Variants in PTPRT observed in about 807,000 individuals in gnomAD.
PTPRT encodes protein tyrosine phosphatase receptor type T.
Under a neutral mutation model 176.8 loss-of-function variants are expected in PTPRT, and 56 were observed. That is an observed-to-expected ratio of 0.32 (90% CI 0.26 to 0.40). The LOEUF is 0.40. Ranked by LOEUF, PTPRT falls within the 10% of genes least tolerant of loss-of-function variation. The pLI, the probability that PTPRT is intolerant of heterozygous loss-of-function variation, is 1.00. For synonymous variants in PTPRT, 783 were observed against 739.0 expected (o/e 1.06, Z -0.96); for missense variants, 1,540 against 1,908.2 (o/e 0.81, Z 3.60).
At chr20:42,866,838 C>T (rs2078754794) in intron 2 of PTPRT, among the ~76,000 whole-genome samples, 1 of 152,182 alleles carries the variant, frequency 6.6e-6, no homozygotes, top group Non-Finnish European at 1.5e-5. Context: ...AAATAAATTA[C>T]TTAATCTTTG....
At chr20:42,384,683 T>C (rs377620369) in intron 9 of PTPRT, among the ~76,000 whole-genome samples, 1 of 152,180 alleles carries the variant, frequency 6.6e-6, no homozygotes, top group South Asian at 2.1e-4. Context: ...GAGAACTCCA[T>C]ACTATTTTTT....
the PTPRT span, among the ~76,000 whole-genome samples, chr20:42,050,407 A>T: frequency 6.6e-6 from 1 of 152,178 alleles, no homozygotes; most frequent in African/African-American, 2.4e-5. Flanking sequence ...AACTTGCCCA[A>T]GGTCACACAG....
chr20:42,964,666 C>T (rs927109810), intron 1 of PTPRT, among the ~76,000 whole-genome samples: 12 of 152,094 alleles, frequency 7.9e-5, no homozygotes, highest in Non-Finnish European at 1.5e-5. Context: ...TATCAAACCT[C>T]TCTCCCTACA....
chr20:42,765,484 T>C (rs1027417281), intron 5 of PTPRT, among the ~76,000 whole-genome samples: 7 of 152,224 alleles, frequency 4.6e-5, no homozygotes, highest in African/African-American at 1.7e-4. Flanking sequence ...AGGAGTATTC[T>C]GTAACTGGGA....
Position 42,942,369 on chromosome 20 carries a change from T to C in PTPRT, c.89-56437A>G, listed in dbSNP as rs149028463. 2.7e-3 allele frequency among the ~76,000 whole-genome samples: 417 copies of C among 152,346 alleles called. 1 individual carries two copies. Among genetic ancestry groups the C allele is most frequent in the Non-Finnish European group, 4.4e-3 (300 of 68,030 alleles). On this transcript the variant is annotated intron_variant, in intron 1 of 30. Coordinates refer to ENST00000373187, the MANE Select transcript of PTPRT (RefSeq NM_007050.6). Reference sequence around the variant, plus strand: ...ATACAAACAAATGACACAAGTGTGGTATTTCTAGACAGGATATGCACTGGG... The same window carrying C: ...ATACAAACAAATGACACAAGTGTGGCATTTCTAGACAGGATATGCACTGGG...
chr20:42,315,009 G>C (rs942708124), intron 12 of PTPRT, among the ~76,000 whole-genome samples: 1 of 152,038 alleles, frequency 6.6e-6, no homozygotes, highest in Non-Finnish European at 1.5e-5. Flanking sequence ...CCTTTGATAT[G>C]CTTTCCAGCC....
chr20:43,173,610 G>A lies in PTPRT; in HGVS notation c.88+16036C>T, dbSNP rs748823671. ...TGTTTTCCTAAACTGCTGTGCTTGC[G>A]GGAGCCCCAGAGGTCCAAAGTCCAC... On this transcript the variant is annotated intron_variant, in intron 1 of 30. Coordinates refer to ENST00000373187, the MANE Select transcript of PTPRT (RefSeq NM_007050.6). Among the ~76,000 whole-genome samples, 6 of 152,332 alleles carry A rather than the reference G, an allele frequency of 3.9e-5. No individual in the cohort carries two copies. In the East Asian group the frequency reaches 5.8e-4, roughly 15 times the overall value.
At chr20:42,481,157 A>G (rs990947360) in intron 7 of PTPRT, among the ~76,000 whole-genome samples, 1 of 152,156 alleles carries the variant, frequency 6.6e-6, no homozygotes, top group Non-Finnish European at 1.5e-5. Flanking sequence ...CATGTACGCA[A>G]AATAGGTGTG....
At chr20:43,185,574 G>A (rs571680262) in intron 1 of PTPRT, among the ~76,000 whole-genome samples, 6 of 152,280 alleles carry the variant, frequency 3.9e-5, no homozygotes, top group African/African-American at 1.2e-4. Flanking sequence ...TCATCTGTTG[G>A]CAAATTTCAT....
intron 1 of PTPRT, among the ~76,000 whole-genome samples, chr20:43,073,679 C>G (rs1337202339): frequency 1.3e-5 from 2 of 151,714 alleles, no homozygotes; most frequent in Non-Finnish European, 2.9e-5. Context: ...TTAATTACCA[C>G]TTTATTCAAA....
intron 7 of PTPRT, among the ~76,000 whole-genome samples, chr20:42,508,482 T>C (rs2071889966): frequency 6.6e-6 from 1 of 152,108 alleles, no homozygotes; most frequent in African/African-American, 2.4e-5. Flanking sequence ...AAAGTTGTGG[T>C]GGAGAATATA....
At position 42,420,689 on chromosome 20, in the gene PTPRT, G is replaced by T. The variant is rs184485418; in HGVS notation, c.1560+27531C>A. On this transcript the variant is annotated intron_variant, in intron 9 of 30. Coordinates refer to ENST00000373187, the MANE Select transcript of PTPRT (RefSeq NM_007050.6). Reference sequence around the variant, plus strand: ...GCCCCCACCTTTTGAGGGGGATTCTGGTCTGTCTTCGTCTGTCCCCAGAGT... The same window carrying T: ...GCCCCCACCTTTTGAGGGGGATTCTTGTCTGTCTTCGTCTGTCCCCAGAGT... Among the ~76,000 whole-genome samples the T allele has an allele frequency of 1.2e-4, 19 of 152,218 alleles. No individual in the cohort carries two copies. The East Asian group carries it at 1.7e-3, about 14-fold the overall frequency.
intron 14 of PTPRT, among the ~76,000 whole-genome samples, chr20:42,240,986 C>T (rs2056342924): frequency 6.6e-6 from 1 of 152,134 alleles, no homozygotes; most frequent in South Asian, 2.1e-4. Flanking sequence ...TTTATTTAAT[C>T]TTCACAATAA....
chr20:42,981,141 T>C (rs1335848103), intron 1 of PTPRT, among the ~76,000 whole-genome samples: 2 of 152,176 alleles, frequency 1.3e-5, no homozygotes, highest in Non-Finnish European at 2.9e-5. Context: ...ATTACAATGG[T>C]CTTGAATAAT....
At chr20:42,832,770 TGTAATCCA>T (rs1315573194) in intron 2 of PTPRT, among the ~76,000 whole-genome samples, 2 of 138,016 alleles carry the variant, frequency 1.4e-5, no homozygotes, top group African/African-American at 5.4e-5. Flanking sequence ...TTTTGGCTTA[TGTAATCCA>T]AAAGCCAACT....
intron 16 of PTPRT, among the ~76,000 whole-genome samples, chr20:42,197,376 CAAAAA>C (rs3086756): frequency 0.072 from 2,367 of 33,074 alleles, 21 homozygotes; most frequent in South Asian, 0.18. Context: ...GAGACTCCAT[CAAAAA>C]AAAAAAAAAA....
At chr20:42,159,759 A>C (rs1989510479) in intron 17 of PTPRT, among the ~76,000 whole-genome samples, 1 of 152,184 alleles carries the variant, frequency 6.6e-6, no homozygotes, top group South Asian at 2.1e-4. Context: ...GTTCTTATAA[A>C]TATGTCAAAC....
chr20:42,035,518 T>C, the PTPRT span, among the ~76,000 whole-genome samples: 3 of 152,148 alleles, frequency 2.0e-5, no homozygotes, highest in South Asian at 4.1e-4. Context: ...CCTAGAGACC[T>C]TGGAGCATCC....
intron 7 of PTPRT, among the ~76,000 whole-genome samples, chr20:42,677,015 C>CA (rs2075516351): frequency 6.6e-6 from 1 of 152,108 alleles, no homozygotes; most frequent in Non-Finnish European, 1.5e-5. Context: ...GTCAGTAACC[C>CA]ATAGAGATAG....
Sources: allele counts gnomAD v4.1 joint callset (sites outside exome capture counted in the v4.1 genomes callset), GRCh38; gene constraint gnomAD v4.1.1; transcripts MANE v1.5; gene names NCBI Gene and HGNC (gene_info 2026-07-23, HGNC 2026-07-21).